RGS12: variants seen among roughly 807,000 people sequenced by gnomAD.
RGS12 encodes the protein regulator of G-protein signaling 12.
Under a neutral mutation model 120.1 loss-of-function variants are expected in RGS12, and 66 were observed. That is an observed-to-expected ratio of 0.55 (90% CI 0.45 to 0.67). The LOEUF (loss-of-function observed/expected upper bound fraction) is 0.67, where lower values mean the gene tolerates loss of function less well. RGS12 is among the 30% of genes least tolerant of loss of function. RGS12 has a pLI of 0.00. For synonymous variants in RGS12, 827 were observed against 804.7 expected (o/e 1.03, Z -0.47); for missense variants, 1,859 against 1,957.7 (o/e 0.95, Z 0.95).
rs760290683 is a variant in RGS12 at position 3,342,937 on chromosome 4, G to A, written c.1882G>A (p.Gly628Ser). Residue 628 changes from glycine (G) to serine (S), a missense_variant and splice_region_variant, in exon 3 of 18, where the codon GGC (glycine) becomes AGC (serine). Around this residue, in one of 3 missense-constraint regions of RGS12, gnomAD observed 967 missense variants for 994.2 expected, o/e 0.97. Coordinates refer to ENST00000336727, the MANE Select transcript of RGS12 (RefSeq NM_001394154.1). Reference sequence around the variant, plus strand: ...TGATGCCTTTTTTCTTCGTGTTTAGGGCTCAAAATTTGGGCGGGGAACTGG... The same window carrying A: ...TGATGCCTTTTTTCTTCGTGTTTAGAGCTCAAAATTTGGGCGGGGAACTGG... ...NVRKTKEDKK[G>S]SKFGRGTGLT... The A allele has an allele frequency of 3.7e-6, 6 of 1,610,122 alleles. No homozygotes were observed. Among genetic ancestry groups the A allele is most frequent in the South Asian group, 1.1e-5 (1 of 90,982 alleles).
intron 4 of RGS12, among the ~76,000 whole-genome samples, chr4:3,403,738 G>A (rs941487447): frequency 6.6e-5 from 10 of 152,192 alleles, no homozygotes; most frequent in Non-Finnish European, 7.3e-5. Context: ...GTTCTTGCCC[G>A]ACATGTCCTC....
intron 3 of RGS12, among the ~76,000 whole-genome samples, chr4:3,362,830 T>G (rs189491489): frequency 0.029 from 4,231 of 146,060 alleles, 197 homozygotes; most frequent in African/African-American, 0.096. Context: ...TCAGTGTGTT[T>G]GAGTGTGAGA....
Position 3,422,686 on chromosome 4 carries a change from C to T in RGS12, c.3033+116C>T, listed in dbSNP as rs936536522. 3.9e-5 allele frequency: 48 copies of T among 1,221,782 alleles called. 1 individual carries two copies. In the South Asian group the frequency reaches 4.1e-4, roughly 10 times the overall value. 75.7% of individuals were successfully genotyped at this position (1,221,782 alleles called of 1,614,324 possible). ...CCTCCTGCGCTCCTCATTTCAACAG[C>T]GCCTGGGGCGGAGGCCGGATTATCT... On this transcript the variant is annotated intron_variant, in intron 11 of 17. Transcript: ENST00000336727.
rs112850234 is a variant in RGS12, at chr4:3,406,136, G to A, written c.2021-7936G>A. ...GCCCCTGCCAGCCGCAGATGGACAC[G>A]GGGACTGAGGCCCACGGGACTGTGG... On this transcript the variant is annotated intron_variant, in intron 4 of 17. Transcript: ENST00000336727. Among the ~76,000 whole-genome samples the A allele has an allele frequency of 5.9e-3, 892 of 152,288 alleles. 7 individuals carry two copies. Among genetic ancestry groups the A allele is most frequent in the Non-Finnish European group, 0.01 (701 of 68,020 alleles).
At chr4:3,320,881 T>C (rs547093968) in intron 2 of RGS12, among the ~76,000 whole-genome samples, 6 of 152,286 alleles carry the variant, frequency 3.9e-5, no homozygotes, top group African/African-American at 1.4e-4. Context: ...GACGCTGGCC[T>C]GTGCTGAGAG....
chr4:3,428,681 T>A lies in RGS12; in HGVS notation c.3535T>A (p.Tyr1179Asn). The A allele has an allele frequency of 2.5e-6, 4 of 1,593,778 alleles. No homozygotes were observed. The highest frequency in any genetic ancestry group is 3.4e-6 in the Non-Finnish European group (4 of 1,174,522). Residue 1179 changes from tyrosine (Y) to asparagine (N), a missense_variant, in exon 16 of 18, where the codon TAT becomes AAT. Physicochemically the swap from Tyr to Asn is moderately radical, Grantham distance 143. Around this residue, in one of 3 missense-constraint regions of RGS12, gnomAD observed 517 missense variants for 488.5 expected, o/e 1.06. Transcript: ENST00000336727. ...TATTGCAAAGATTGGGAAAAAAAAA[T>A]ATCAGAAAATTAATTTGGACGAAGC... Reference protein sequence around the residue: ...ESIAKIGKKKYQKINLDEAEE... With the variant: ...ESIAKIGKKKNQKINLDEAEE...
chr4:3,363,125 CAGTG>C (rs1019702903), intron 3 of RGS12, among the ~76,000 whole-genome samples: 2 of 114,428 alleles, frequency 1.7e-5, no homozygotes, highest in Non-Finnish European at 3.7e-5. Context: ...GAGTGCGCAT[CAGTG>C]AGTGTGGGGG....
At chr4:3,427,912 G>A (rs1479612772) in intron 14 of RGS12, among the ~76,000 whole-genome samples, 178 bp from the exon 15 acceptor site, 3 of 152,150 alleles carry the variant, frequency 2.0e-5, no homozygotes, top group Non-Finnish European at 4.4e-5. Flanking sequence ...CGTGGAGGAC[G>A]GGCCCTCTCT....
intron 17 of RGS12, among the ~76,000 whole-genome samples, chr4:3,436,228 C>T (rs779332127): frequency 6.6e-6 from 1 of 152,048 alleles, no homozygotes; most frequent in African/African-American, 2.4e-5. Context: ...CCGTGGGGTG[C>T]GCTGTGGTGG....
chr4:3,300,490 G>T (rs116391999), intron 1 of RGS12, among the ~76,000 whole-genome samples: 7 of 136,266 alleles, frequency 5.1e-5, no homozygotes, highest in Admixed American at 4.9e-4. Context: ...GCCTGGGCCC[G>T]CCCCTCCTAG....
At chr4:3,304,581 T>G (rs1026226269) in intron 1 of RGS12, among the ~76,000 whole-genome samples, 1 of 152,208 alleles carries the variant, frequency 6.6e-6, no homozygotes, top group Non-Finnish European at 1.5e-5. Context: ...GTTTCCTCAT[T>G]TGTAAAACGG....
chr4:3,359,944 A>G (rs1047728610), intron 3 of RGS12, among the ~76,000 whole-genome samples: 2 of 151,954 alleles, frequency 1.3e-5, no homozygotes, highest in African/African-American at 4.8e-5. Context: ...TTTTTTTTGT[A>G]GAGCTGGAGT....
intron 17 of RGS12, among the ~76,000 whole-genome samples, chr4:3,435,581 C>T (rs28548185): frequency 0.076 from 11,548 of 151,080 alleles, 647 homozygotes; most frequent in East Asian, 0.28. Flanking sequence ...TCCCCAGAGC[C>T]CTGTCTCCCC....
upstream of RGS12, among the ~76,000 whole-genome samples, chr4:3,291,205 G>C (rs1463289787): frequency 6.6e-6 from 1 of 152,220 alleles, no homozygotes; most frequent in Non-Finnish European, 1.5e-5. Context: ...CCCTGCCCTG[G>C]AGCCTCAGGA....
intron 3 of RGS12, among the ~76,000 whole-genome samples, chr4:3,364,912 G>A (rs1021149650): frequency 6.6e-6 from 1 of 152,048 alleles, no homozygotes; most frequent in African/African-American, 2.4e-5. Context: ...TCCCCGTGGC[G>A]AGAGGAGGCT....
In RGS12 at chr4:3,430,685, C is replaced by A. The variant is rs570199511; in HGVS notation, c.3844C>A (p.Pro1282Thr). ...STSPGSASSP[P>T]GPPGTTPPGQ... ...CAGCCCGGGCTCAGCCTCCAGCCCC[C>A]CTGGACCTCCTGGGACGACCCCCCC... Residue 1282 changes from proline (P) to threonine (T), a missense_variant, in exon 17 of 18, where the codon CCT becomes ACT. Pro to Thr is a conservative substitution (Grantham distance 38). Around this residue, in one of 3 missense-constraint regions of RGS12, gnomAD observed 517 missense variants for 488.5 expected, o/e 1.06. Transcript: ENST00000336727. The A allele has an allele frequency of 1.9e-6, 3 of 1,578,846 alleles. No individual in the cohort carries two copies. The highest frequency in any genetic ancestry group is 2.3e-5 in the East Asian group (1 of 44,114).
Position 3,352,592 on chromosome 4 carries a change from A to T in RGS12, c.1998+9539A>T, listed in dbSNP as rs78920526. ...AAGTAGTGGAAGATAAAGGTTTCTA[A>T]TGGAAAAATGAATATGATTACATAA... On this transcript the variant is annotated intron_variant, in intron 3 of 17. Transcript: ENST00000336727. Among the ~76,000 whole-genome samples, 785 of 152,328 alleles carry T rather than the reference A, an allele frequency of 5.2e-3. 10 individuals carry two copies. Among genetic ancestry groups the T allele is most frequent in the Non-Finnish European group, 8.2e-3 (558 of 68,022 alleles).
chr4:3,318,792 G>A (rs1228696242), intron 2 of RGS12, among the ~76,000 whole-genome samples: 3 of 152,112 alleles, frequency 2.0e-5, no homozygotes, highest in Admixed American at 6.5e-5. Flanking sequence ...GTGCCTGTGC[G>A]GTTGGGTGCA....
chr4:3,364,718 T>C (rs943586619), intron 3 of RGS12, among the ~76,000 whole-genome samples: 3 of 151,904 alleles, frequency 2.0e-5, no homozygotes, highest in Non-Finnish European at 4.4e-5. Context: ...ATTTTAAGTG[T>C]GACAGAAGCT....
Sources: allele counts gnomAD v4.1 joint callset (sites outside exome capture counted in the v4.1 genomes callset), GRCh38; gene constraint gnomAD v4.1.1; regional missense constraint gnomAD v4.1.1; transcripts MANE v1.5; gene names NCBI Gene and HGNC (gene_info 2026-07-23, HGNC 2026-07-21).